Variants in NKAIN2 observed in about 807,000 individuals in gnomAD.
NKAIN2 encodes the protein sodium/potassium transporting ATPase interacting 2.
A neutral mutation model predicts 32.6 loss-of-function variants in NKAIN2; 14 were observed. That is an observed-to-expected ratio of 0.43 (90% CI 0.28 to 0.67). NKAIN2 has a LOEUF of 0.67. Among genes scored for constraint, NKAIN2 ranks in the 30% least tolerant of loss-of-function variants. The pLI is 0.17. For missense variants in NKAIN2, 198 were observed against 258.3 expected (o/e 0.77, Z 1.60); for synonymous variants, 80 against 87.2 (o/e 0.92, Z 0.46).
At chr6:124,483,549 C>G (rs1323477948) in intron 3 of NKAIN2, among the ~76,000 whole-genome samples, 1 of 151,876 alleles carries the variant, frequency 6.6e-6, no homozygotes, top group Non-Finnish European at 1.5e-5. Flanking sequence ...AAAAGATAAA[C>G]CTGTTGAATT....
intron 5 of NKAIN2, among the ~76,000 whole-genome samples, chr6:124,811,542 A>T (rs1780904913): frequency 6.6e-6 from 1 of 152,190 alleles, no homozygotes. Flanking sequence ...TTCCACTATC[A>T]TTAATGTTAC....
chr6:123,990,011 G>A (rs1345109845), intron 1 of NKAIN2, among the ~76,000 whole-genome samples: 2 of 152,140 alleles, frequency 1.3e-5, no homozygotes, highest in African/African-American at 2.4e-5. Flanking sequence ...GGAGGCCTCA[G>A]GAAACTTACA....
chr6:123,958,274 G>A (rs1019498156), intron 1 of NKAIN2, among the ~76,000 whole-genome samples: 4 of 152,108 alleles, frequency 2.6e-5, no homozygotes, highest in African/African-American at 9.7e-5. Context: ...GAAATCATCA[G>A]GAAAAGAAAC....
intron 2 of NKAIN2, among the ~76,000 whole-genome samples, chr6:124,342,646 T>G (rs1798183504): frequency 6.6e-6 from 1 of 151,722 alleles, no homozygotes; most frequent in South Asian, 2.1e-4. Context: ...TAGCTGGGAT[T>G]ACAGGAACAT....
At chr6:124,452,355 T>A (rs1201659528) in intron 3 of NKAIN2, among the ~76,000 whole-genome samples, 1 of 152,078 alleles carries the variant, frequency 6.6e-6, no homozygotes, top group African/African-American at 2.4e-5. Flanking sequence ...CCCATGGCTA[T>A]GTATGACAAT....
chr6:124,274,152 C>T (rs933888070), intron 1 of NKAIN2, among the ~76,000 whole-genome samples: 2 of 152,054 alleles, frequency 1.3e-5, no homozygotes, highest in African/African-American at 4.8e-5. Context: ...ATTTTTGTGC[C>T]TCTGCAGTAT....
chr6:124,437,877 T>G (rs1189607088), intron 3 of NKAIN2: 1 of 404,586 alleles, frequency 2.5e-6, no homozygotes, highest in African/African-American at 2.2e-5. Context: ...TATTGATTTT[T>G]TTTTTTTTTT....
At chr6:124,561,058 C>T (rs779031560) in intron 3 of NKAIN2, among the ~76,000 whole-genome samples, 6 of 146,902 alleles carry the variant, frequency 4.1e-5, no homozygotes, top group Non-Finnish European at 9.0e-5. Flanking sequence ...CTCAGCAGTG[C>T]CCTCATCAGC....
intron 5 of NKAIN2, among the ~76,000 whole-genome samples, chr6:124,803,234 G>C (rs1284222817): frequency 6.6e-6 from 1 of 152,156 alleles, no homozygotes; most frequent in East Asian, 1.9e-4. Context: ...TTTCCCTCAA[G>C]AACCTCGACA....
At chr6:124,598,507 G>T (rs1026799818) in intron 3 of NKAIN2, among the ~76,000 whole-genome samples, 26 of 152,094 alleles carry the variant, frequency 1.7e-4, no homozygotes, top group Admixed American at 5.2e-4. Context: ...ACCATGCAAT[G>T]GGTCTTAAAG....
chr6:124,642,095 G>T (rs1479046), intron 3 of NKAIN2, among the ~76,000 whole-genome samples: 27,750 of 152,060 alleles, frequency 0.18, 2,654 homozygotes, highest in East Asian at 0.3. Flanking sequence ...AGGAACAGGA[G>T]TATATATCTG....
chr6:124,008,517 C>T (rs1377532753), intron 1 of NKAIN2, among the ~76,000 whole-genome samples: 7 of 151,916 alleles, frequency 4.6e-5, no homozygotes, highest in African/African-American at 1.5e-4. Context: ...AAGGAAATGG[C>T]ATGTGTGAAG....
intron 1 of NKAIN2, among the ~76,000 whole-genome samples, chr6:124,007,240 T>C (rs1047284854): frequency 6.6e-6 from 1 of 152,198 alleles, no homozygotes; most frequent in Admixed American, 6.5e-5. Flanking sequence ...TTATAGTCTA[T>C]GGGACCACCT....
At chr6:124,324,800 A>T (rs1332824847) in intron 2 of NKAIN2, among the ~76,000 whole-genome samples, 2 of 152,136 alleles carry the variant, frequency 1.3e-5, no homozygotes, top group East Asian at 3.9e-4. Context: ...ATTTTTTCAA[A>T]TGTTTTTTCT....
chr6:124,319,751 A>T (rs151169256), intron 2 of NKAIN2, among the ~76,000 whole-genome samples: 45 of 152,214 alleles, frequency 3.0e-4, no homozygotes, highest in African/African-American at 1.0e-3. Flanking sequence ...ATCTTTTATT[A>T]TGCATCAGGA....
intron 3 of NKAIN2, among the ~76,000 whole-genome samples, chr6:124,399,018 T>C (rs1477408826): frequency 6.6e-6 from 1 of 152,070 alleles, no homozygotes; most frequent in Admixed American, 6.6e-5. Context: ...CCTCTGCCTC[T>C]CAGGTTCAAG....
chr6:124,157,250 GACAC>G (rs772415964), intron 1 of NKAIN2, among the ~76,000 whole-genome samples: 2 of 109,834 alleles, frequency 1.8e-5, no homozygotes, highest in African/African-American at 3.1e-5. Flanking sequence ...TGTCATAATG[GACAC>G]ACACACACAC....
chr6:124,472,285 T>C (rs1487611827), intron 3 of NKAIN2, among the ~76,000 whole-genome samples: 1 of 152,192 alleles, frequency 6.6e-6, no homozygotes, highest in Non-Finnish European at 1.5e-5. Flanking sequence ...TTGTTTAGCA[T>C]CTATTTTGAA....
At chr6:124,772,701 A>C (rs558813562) in intron 4 of NKAIN2, among the ~76,000 whole-genome samples, 1 of 152,278 alleles carries the variant, frequency 6.6e-6, no homozygotes, top group South Asian at 2.1e-4. Context: ...AAAGTTGTGG[A>C]ACGAATAGAG....
Sources: gnomAD v4.1 joint callset for allele counts (sites outside exome capture counted in the v4.1 genomes callset) on GRCh38, gnomAD v4.1.1 for gene constraint, MANE v1.5 for transcripts, NCBI Gene and HGNC (gene_info 2026-07-23, HGNC 2026-07-21) for gene names.